Variants in ATP10B observed in about 807,000 individuals in gnomAD.
The protein encoded by ATP10B is phospholipid-transporting ATPase VB.
A neutral mutation model predicts 141.2 loss-of-function variants in ATP10B; 122 were observed. The observed-to-expected ratio is 0.86, with a 90% CI of 0.75 to 1.00. ATP10B has a LOEUF of 1.00. ATP10B is among the 50% of genes least tolerant of loss of function. The probability of loss-of-function intolerance (pLI) is 0.00; values close to 1 mark genes in which losing one functional copy is unlikely to be tolerated. For missense variants in ATP10B, 1,876 were observed against 1,825.3 expected, an observed-to-expected ratio of 1.03 and a Z score of -0.51; for synonymous variants, 685 against 692.0, an observed-to-expected ratio of 0.99 and a Z score of 0.16.
At chr5:160,680,401 GATA>G (rs1232087007) in intron 6 of ATP10B, among the ~76,000 whole-genome samples, 1 of 152,114 alleles carries the variant, frequency 6.6e-6, no homozygotes, top group Non-Finnish European at 1.5e-5. Context: ...CATCAGTTAA[GATA>G]ATAACTAACA....
chr5:160,775,676 A>ATTTTTTTTTTTTTTTTTTTTTTTTTTTTT (rs10642787), intron 2 of ATP10B, among the ~76,000 whole-genome samples: 1 of 116,822 alleles, frequency 8.6e-6, no homozygotes, highest in Non-Finnish European at 1.7e-5. Context: ...CAAGTTTCAG[A>ATTTTTTTTTTTTTTTTTTTTTTTTTTTTT]TTTTTTTTTT....
At chr5:160,889,306 G>T in the ATP10B span, among the ~76,000 whole-genome samples, 1 of 152,184 alleles carries the variant, frequency 6.6e-6, no homozygotes, top group African/African-American at 2.4e-5. Context: ...TGGCTAGAGT[G>T]CCCAGCTGAT....
chr5:160,594,736 A>G (rs1460690463), intron 22 of ATP10B, among the ~76,000 whole-genome samples: 1 of 151,418 alleles, frequency 6.6e-6, no homozygotes, highest in African/African-American at 2.4e-5. Context: ...AGGGGTTGCA[A>G]TCCTAGTCTC....
intron 6 of ATP10B, among the ~76,000 whole-genome samples, chr5:160,680,736 G>A (rs1335096059): frequency 1.3e-5 from 2 of 152,144 alleles, no homozygotes; most frequent in Non-Finnish European, 2.9e-5. Context: ...TTCATGCTGG[G>A]CTCTGTGGGT....
chr5:160,658,876 T>C (rs1761694075), intron 7 of ATP10B, among the ~76,000 whole-genome samples: 1 of 152,192 alleles, frequency 6.6e-6, no homozygotes, highest in Non-Finnish European at 1.5e-5. Flanking sequence ...CCCATATTTT[T>C]CTAATAAATT....
At chr5:160,743,231 C>T (rs537428778) in intron 2 of ATP10B, among the ~76,000 whole-genome samples, 2 of 152,276 alleles carry the variant, frequency 1.3e-5, no homozygotes, top group South Asian at 2.1e-4. Flanking sequence ...CAAATATAGG[C>T]TGTGGTCTGA....
rs1399321348 is a variant in ATP10B, at chr5:160,846,421, G to T, written c.-576+5520C>A. On this transcript the variant is annotated intron_variant, in intron 1 of 25. Coordinates refer to ENST00000327245, the MANE Select transcript of ATP10B (RefSeq NM_025153.3). ...TTCTTCCTCATAGGTAGTTTTTAAG[G>T]TTCTGCCATTGACAATTAAAACTGG... Among the ~76,000 whole-genome samples the T allele has an allele frequency of 2.0e-5, 3 of 152,070 alleles. No homozygotes were observed. In the East Asian group the frequency reaches 5.8e-4, roughly 29 times the overall value.
chr5:160,649,395 G>A (rs1760541751), intron 7 of ATP10B, 139 bp from the exon 8 acceptor site: 1 of 633,246 alleles, frequency 1.6e-6, no homozygotes, highest in East Asian at 2.9e-5. Context: ...GTTGTAATGT[G>A]TCAGAAAAAA....
chr5:160,755,841 ATAT>A (rs1768543519), intron 2 of ATP10B, among the ~76,000 whole-genome samples: 13 of 30,928 alleles, frequency 4.2e-4, no homozygotes, highest in South Asian at 1.4e-3. Flanking sequence ...AAAAAAAAAT[ATAT>A]ATATATATAT....
At chr5:160,698,898 GAATAGGCA>G (rs1764524176) in intron 3 of ATP10B, among the ~76,000 whole-genome samples, 1 of 152,208 alleles carries the variant, frequency 6.6e-6, no homozygotes, top group African/African-American at 2.4e-5. Flanking sequence ...GAAAGCACAA[GAATAGGCA>G]AATGAGAAGC....
the ATP10B span, among the ~76,000 whole-genome samples, chr5:160,863,105 T>C: frequency 6.6e-6 from 1 of 152,002 alleles, no homozygotes; most frequent in Non-Finnish European, 1.5e-5. Context: ...CCTCAGGCAT[T>C]GGAACAGGTT....
intron 18 of ATP10B, chr5:160,612,441 C>A: frequency 4.5e-6 from 1 of 224,008 alleles, no homozygotes; most frequent in Non-Finnish European, 8.8e-6. Context: ...CTTCAGTTTC[C>A]TTATCTGTGG....
intron 1 of ATP10B, among the ~76,000 whole-genome samples, chr5:160,787,290 A>G (rs1444418972): frequency 6.6e-6 from 1 of 152,192 alleles, no homozygotes; most frequent in Admixed American, 6.5e-5. Context: ...AGTGGTGTCT[A>G]CAGGGTTCAG....
intron 24 of ATP10B, among the ~76,000 whole-genome samples, chr5:160,578,955 A>G (rs1222307903): frequency 6.6e-6 from 1 of 152,084 alleles, no homozygotes; most frequent in African/African-American, 2.4e-5. Flanking sequence ...CTTTTTTCAT[A>G]TGTTTGTTGG....
intron 24 of ATP10B, among the ~76,000 whole-genome samples, chr5:160,570,141 T>C (rs1246841261): frequency 3.3e-5 from 5 of 152,174 alleles, no homozygotes; most frequent in African/African-American, 1.2e-4. Flanking sequence ...CCTGCCTGTT[T>C]TGTGCTTTTC....
At chr5:160,775,827 C>T (rs1195881209) in intron 2 of ATP10B, among the ~76,000 whole-genome samples, 1 of 151,954 alleles carries the variant, frequency 6.6e-6, no homozygotes, top group Non-Finnish European at 1.5e-5. Context: ...ACTACAGGCA[C>T]CCGCCACCAT....
the ATP10B span, among the ~76,000 whole-genome samples, chr5:160,906,844 C>G: frequency 6.6e-6 from 1 of 152,190 alleles, no homozygotes. Context: ...AGAGGAAAGA[C>G]AGAAAGCATG....
intron 3 of ATP10B, among the ~76,000 whole-genome samples, chr5:160,704,016 T>C (rs1266455430): frequency 6.6e-6 from 1 of 152,160 alleles, no homozygotes; most frequent in African/African-American, 2.4e-5. Context: ...AGGATCTTAC[T>C]TTGTCACCCA....
In ATP10B at chr5:160,818,220, G is replaced by A. The variant is rs182628029; in HGVS notation, c.-575-32417C>T. On this transcript the variant is annotated intron_variant, in intron 1 of 25. Coordinates refer to ENST00000327245, the MANE Select transcript of ATP10B (RefSeq NM_025153.3). The stretch of plus-strand genomic sequence containing the variant: ...CATCAGTGTAAACAGGCAACCTACA[G>A]AATGGGAGAAAATTTTTGCAATCTA... Among the ~76,000 whole-genome samples, 1,065 of 152,274 alleles carry A rather than the reference G, an allele frequency of 7.0e-3. 18 individuals carry two copies. Among genetic ancestry groups the A allele is most frequent in the African/African-American group, 0.024 (1,002 of 41,544 alleles).
Sources: gnomAD v4.1 joint callset for allele counts (sites outside exome capture counted in the v4.1 genomes callset) on GRCh38, gnomAD v4.1.1 for gene constraint, MANE v1.5 for transcripts, NCBI Gene and HGNC (gene_info 2026-07-23, HGNC 2026-07-21) for gene names.